TMEM267: variants seen among roughly 807,000 people sequenced by gnomAD.
The protein encoded by TMEM267 is transmembrane protein C5orf28.
A neutral mutation model predicts 19.3 loss-of-function variants in TMEM267; 20 were observed. The ratio of observed to expected loss-of-function variants is 1.04; its 90% CI spans 0.73 to 1.51. The LOEUF (loss-of-function observed/expected upper bound fraction) is 1.51. Ranked by LOEUF, TMEM267 falls within the 40% of genes most tolerant of loss-of-function variation. The probability of loss-of-function intolerance (pLI) is 0.00; values close to 1 mark genes in which losing one functional copy is unlikely to be tolerated. For synonymous variants in TMEM267, 88 were observed against 90.3 expected (o/e 0.97, Z 0.15); for missense variants, 242 against 261.9 (o/e 0.92, Z 0.52).
chr5:43,468,944 G>C (rs1409395126), intron 1 of TMEM267, among the ~76,000 whole-genome samples: 3 of 152,084 alleles, frequency 2.0e-5, no homozygotes, highest in Non-Finnish European at 4.4e-5. Flanking sequence ...CAAATACATG[G>C]AAATAAAACA....
intron 1 of TMEM267, among the ~76,000 whole-genome samples, chr5:43,461,356 A>G (rs1383283543): frequency 6.6e-6 from 1 of 152,190 alleles, no homozygotes; most frequent in African/African-American, 2.4e-5. Context: ...TCAGCACATT[A>G]TCAGCTGTGG....
chr5:43,469,485 T>C (rs1246256116), intron 1 of TMEM267, among the ~76,000 whole-genome samples: 2 of 152,208 alleles, frequency 1.3e-5, no homozygotes, highest in Admixed American at 1.3e-4. Context: ...TGATACATCA[T>C]ATCAACAAAA....
intron 2 of TMEM267, among the ~76,000 whole-genome samples, chr5:43,453,075 T>C (rs1742708572): frequency 6.6e-6 from 1 of 152,240 alleles, no homozygotes; most frequent in African/African-American, 2.4e-5. Flanking sequence ...CTCAGTGAAA[T>C]TCCTCAATTT....
Position 43,445,178 on chromosome 5 carries a change from G to C in TMEM267, c.*1044C>G, listed in dbSNP as rs1742175121. On this transcript the variant is annotated 3_prime_UTR_variant, in exon 3 of 3. Transcript: ENST00000397080. The stretch of plus-strand genomic sequence containing the variant: ...CTAAATTTTCCTTCTCTAATAAAGA[G>C]GAATCATTTTAATAGAAGATCAACC... 6.6e-6 allele frequency: 1 copy of C among 151,764 alleles called. No homozygotes were observed. The highest frequency in any genetic ancestry group is 1.5e-5 in the Non-Finnish European group (1 of 67,928). 9.4% of individuals were successfully genotyped at this position (151,764 alleles called of 1,614,324 possible).
intron 2 of TMEM267, among the ~76,000 whole-genome samples, chr5:43,452,258 CT>C (rs1414839313): frequency 6.6e-6 from 1 of 152,044 alleles, no homozygotes; most frequent in Non-Finnish European, 1.5e-5. Context: ...TGGAACACTA[CT>C]TGCCCATACA....
intron 2 of TMEM267, among the ~76,000 whole-genome samples, chr5:43,450,259 T>C (rs947553166): frequency 6.6e-6 from 1 of 152,108 alleles, no homozygotes; most frequent in African/African-American, 2.4e-5. Flanking sequence ...CTCACAGTGT[T>C]GGGGTTACAG....
chr5:43,472,753 C>T (rs1461741543), intron 1 of TMEM267, among the ~76,000 whole-genome samples: 1 of 86,462 alleles, frequency 1.2e-5, no homozygotes, highest in Non-Finnish European at 2.2e-5. Flanking sequence ...AACAATTGAA[C>T]TCGTGGACAT....
intron 1 of TMEM267, among the ~76,000 whole-genome samples, chr5:43,478,309 C>G (rs527849048): frequency 2.6e-5 from 4 of 152,112 alleles, no homozygotes; most frequent in Non-Finnish European, 5.9e-5. Context: ...GACTCTTTCT[C>G]TGATTAAATT....
chr5:43,471,573 T>C (rs1579822141), intron 1 of TMEM267, among the ~76,000 whole-genome samples: 1 of 152,074 alleles, frequency 6.6e-6, no homozygotes, highest in African/African-American at 2.4e-5. Flanking sequence ...CAAAACAGCA[T>C]GGTTCTGACA....
chr5:43,467,579 T>C (rs1350766679), intron 1 of TMEM267, among the ~76,000 whole-genome samples: 3 of 152,120 alleles, frequency 2.0e-5, no homozygotes, highest in Non-Finnish European at 4.4e-5. Flanking sequence ...CCCAGATATA[T>C]AAAGGAAATA....
At chr5:43,447,696 A>C (rs552086027) in intron 2 of TMEM267, among the ~76,000 whole-genome samples, 1 of 152,330 alleles carries the variant, frequency 6.6e-6, no homozygotes, top group South Asian at 2.1e-4. Context: ...GAAATTACCC[A>C]TAAGTATTAA....
Position 43,454,010 on chromosome 5 carries a change from T to A in TMEM267, c.-41A>T. On this transcript the variant is annotated 5_prime_UTR_variant, in exon 2 of 3. Coordinates refer to ENST00000397080, the MANE Select transcript of TMEM267 (RefSeq NM_022483.5). ...AGTATAGACTAAAAGCCATCAGGAA[T>A]GAACAGTCTATTCTTGTTTACATTT... 1 of 1,590,254 alleles carries A rather than the reference T, an allele frequency of 6.3e-7. No homozygotes were observed. The highest frequency in any genetic ancestry group is 8.6e-7 in the Non-Finnish European group (1 of 1,167,856).
intron 1 of TMEM267, among the ~76,000 whole-genome samples, chr5:43,457,099 A>C (rs931145651): frequency 6.6e-6 from 1 of 152,246 alleles, no homozygotes; most frequent in Non-Finnish European, 1.5e-5. Context: ...GAAAGAAGTC[A>C]AACAAACAAA....
At position 43,446,048 on chromosome 5, in the gene TMEM267, TAAC is replaced by T. The variant is rs1403270074; in HGVS notation, c.*171_*173del. 1 of 454,950 alleles carries T rather than the reference TAAC, an allele frequency of 2.2e-6. No individual in the cohort carries two copies. Among genetic ancestry groups the T allele is most frequent in the Non-Finnish European group, 3.9e-6 (1 of 258,300 alleles). The allele number at this position is 454,950 out of a possible 1,614,324, so 28.2% of individuals were successfully genotyped here. A position where few individuals can be genotyped will look rare whatever the true frequency, so the allele number is the denominator to read the frequency against. ...GTCATAGAAGAGAGAAGTAGAATAA[TAAC>T]AAGTATAATTTTTAAAAAAGTTGTA... On this transcript the variant is annotated 3_prime_UTR_variant, in exon 3 of 3. Coordinates refer to ENST00000397080, the MANE Select transcript of TMEM267 (RefSeq NM_022483.5).
Position 43,453,739 on chromosome 5 carries a change from A to G in TMEM267, c.231T>C (p.Phe77=). The change falls in exon 2 of 3, where the codon TTT becomes TTC. Residue 77 remains phenylalanine, a synonymous_variant. Coordinates refer to ENST00000397080, the MANE Select transcript of TMEM267 (RefSeq NM_022483.5). The part of the protein sequence containing the change: ...VVTGIKKKTD[F]GEIILAGFLA... ...AAAATCCAGCTAAAATGATTTCTCC[A>G]AAGTCAGTCTTCTTCTTGATTCCAG... 1 of 1,614,102 alleles carries G rather than the reference A, an allele frequency of 6.2e-7. No homozygotes were observed. Among genetic ancestry groups the G allele is most frequent in the Non-Finnish European group, 8.5e-7 (1 of 1,179,934 alleles).
At chr5:43,480,480 A>AT (rs925580374) in intron 1 of TMEM267, among the ~76,000 whole-genome samples, 1 of 150,826 alleles carries the variant, frequency 6.6e-6, no homozygotes, top group African/African-American at 2.4e-5. Flanking sequence ...AGCTTGGGCA[A>AT]TTTTTTCTTT....
intron 1 of TMEM267, among the ~76,000 whole-genome samples, chr5:43,480,962 G>A (rs1579839161): frequency 1.3e-5 from 2 of 150,716 alleles, no homozygotes; most frequent in South Asian, 2.1e-4. Context: ...CCGCCACCAC[G>A]CTCAGCTAAT....
chr5:43,467,217 AAAGAGT>A (rs1199841759), intron 1 of TMEM267, among the ~76,000 whole-genome samples: 1 of 152,014 alleles, frequency 6.6e-6, no homozygotes, highest in Non-Finnish European at 1.5e-5. Flanking sequence ...AACAAAATGG[AAAGAGT>A]AAGTCCTTAC....
chr5:43,465,259 AC>A (rs1317807170), intron 1 of TMEM267, among the ~76,000 whole-genome samples: 1 of 152,206 alleles, frequency 6.6e-6, no homozygotes, highest in African/African-American at 2.4e-5. Context: ...ACAATGAGAT[AC>A]CATCTCACAC....
Sources: gnomAD v4.1 joint callset for allele counts (sites outside exome capture counted in the v4.1 genomes callset) on GRCh38, gnomAD v4.1.1 for gene constraint, MANE v1.5 for transcripts, NCBI Gene and HGNC (gene_info 2026-07-23, HGNC 2026-07-21) for gene names.